RANBP2: variants seen among roughly 807,000 people sequenced by gnomAD.
RANBP2 encodes RAN binding protein 2.
Under a neutral mutation model 303.6 loss-of-function variants are expected in RANBP2, and 57 were observed. The observed-to-expected ratio is 0.19, with a 90% CI of 0.15 to 0.23. The LOEUF is 0.23. RANBP2 is among the 10% of genes least tolerant of loss of function. The pLI, the probability that RANBP2 is intolerant of heterozygous loss-of-function variation, is 1.00. For missense variants in RANBP2, 3,138 were observed against 3,780.8 expected (o/e 0.83, Z 4.46); for synonymous variants, 1,167 against 1,301.5 (o/e 0.90, Z 2.23).
At chr2:109,742,984 A>T in the RANBP2 span, among the ~76,000 whole-genome samples, 16 of 148,866 alleles carry the variant, frequency 1.1e-4, 1 homozygote, top group Non-Finnish European at 1.5e-4. Context: ...CATTAAAAAA[A>T]ATCTAGCCAG....
the RANBP2 span, among the ~76,000 whole-genome samples, chr2:109,667,505 T>C: frequency 7.9e-5 from 12 of 152,180 alleles, no homozygotes; most frequent in Non-Finnish European, 8.8e-5. Context: ...TGTGGAGTCA[T>C]AGGCATGGCT....
chr2:108,933,528 T>C, the RANBP2 span, among the ~76,000 whole-genome samples: 1 of 152,142 alleles, frequency 6.6e-6, no homozygotes, highest in East Asian at 1.9e-4. Flanking sequence ...CTTGGAGGTG[T>C]CTCACTTGGT....
chr2:109,585,177 A>C, the RANBP2 span: 2 of 1,610,230 alleles, frequency 1.2e-6, no homozygotes, highest in Non-Finnish European at 1.7e-6. Flanking sequence ...CACAATGGTC[A>C]ATTTCAATTG....
the RANBP2 span, among the ~76,000 whole-genome samples, chr2:109,389,831 C>T: frequency 6.6e-6 from 1 of 152,152 alleles, no homozygotes; most frequent in African/African-American, 2.4e-5. Context: ...GATGGGGGTG[C>T]ACTGTCAGAG....
the RANBP2 span, among the ~76,000 whole-genome samples, chr2:109,642,912 C>T: frequency 1.7e-4 from 26 of 152,298 alleles, no homozygotes; most frequent in African/African-American, 2.4e-4. Flanking sequence ...TGGTGGCTCA[C>T]GCCTGTAATC....
At chr2:109,207,885 G>A in the RANBP2 span, among the ~76,000 whole-genome samples, 2 of 152,124 alleles carry the variant, frequency 1.3e-5, no homozygotes, top group Non-Finnish European at 2.9e-5. Context: ...GCCTATGGCA[G>A]TTTCCCTGTA....
At chr2:109,074,024 A>G in the RANBP2 span, among the ~76,000 whole-genome samples, 38 of 150,898 alleles carry the variant, frequency 2.5e-4, 2 homozygotes, top group Admixed American at 4.0e-4. Flanking sequence ...AAAGGAAGAC[A>G]GCAAGAGAGA....
the RANBP2 span, among the ~76,000 whole-genome samples, chr2:109,402,031 G>A: frequency 1.3e-5 from 2 of 152,188 alleles, no homozygotes; most frequent in Admixed American, 1.3e-4. Flanking sequence ...AGCAGTTGCC[G>A]CCTGTCTCCC....
chr2:109,716,180 T>G, the RANBP2 span, among the ~76,000 whole-genome samples: 2 of 152,152 alleles, frequency 1.3e-5, no homozygotes, highest in Non-Finnish European at 2.9e-5. Context: ...AATTATGTAT[T>G]TGTCTGGCAC....
the RANBP2 span, among the ~76,000 whole-genome samples, chr2:109,672,523 G>T: frequency 1.3e-5 from 2 of 152,208 alleles, no homozygotes; most frequent in Admixed American, 6.5e-5. Context: ...CAAGGCTTTA[G>T]TAACTGTTGT....
At chr2:109,398,244 C>T in the RANBP2 span, among the ~76,000 whole-genome samples, 1 of 152,170 alleles carries the variant, frequency 6.6e-6, no homozygotes, top group Non-Finnish European at 1.5e-5. Flanking sequence ...GCTTCCTTCC[C>T]ATCTTGTCCC....
the RANBP2 span, among the ~76,000 whole-genome samples, chr2:109,642,605 T>G: frequency 1.3e-5 from 2 of 150,650 alleles, no homozygotes; most frequent in Admixed American, 6.6e-5. Flanking sequence ...AAAAATTAGC[T>G]GGGCATGGTG....
chr2:109,002,518 C>A, the RANBP2 span, among the ~76,000 whole-genome samples: 1 of 152,144 alleles, frequency 6.6e-6, no homozygotes, highest in Non-Finnish European at 1.5e-5. Flanking sequence ...CTCCCCACTG[C>A]CCTTGGAATA....
At chr2:108,745,194 G>A (rs1306223138) in intron 7 of RANBP2, among the ~76,000 whole-genome samples, 1 of 147,574 alleles carries the variant, frequency 6.8e-6, no homozygotes, top group Non-Finnish European at 1.5e-5. Context: ...AAGAATTGCA[G>A]TATCAAAGTA....
the RANBP2 span, chr2:109,371,599 C>T: frequency 8.1e-6 from 13 of 1,613,914 alleles, no homozygotes; most frequent in South Asian, 5.5e-5. Context: ...GAGATTCTGA[C>T]GGTGCTCAGG....
chr2:109,078,263 AGCGCG>A, the RANBP2 span, among the ~76,000 whole-genome samples: 18 of 44,566 alleles, frequency 4.0e-4, no homozygotes, highest in African/African-American at 4.5e-4. Context: ...ATATATATAT[AGCGCG>A]TATATATATA....
chr2:109,364,323 A>G, the RANBP2 span, among the ~76,000 whole-genome samples: 2 of 152,146 alleles, frequency 1.3e-5, no homozygotes, highest in African/African-American at 2.4e-5. Flanking sequence ...GATTGCTAAC[A>G]TTTCTTTTCT....
At chr2:109,360,519 C>T in the RANBP2 span, among the ~76,000 whole-genome samples, 17 of 152,142 alleles carry the variant, frequency 1.1e-4, no homozygotes, top group Non-Finnish European at 2.2e-4. Flanking sequence ...AGACTGGGGT[C>T]CCATACCCAA....
At chr2:109,360,063 CAA>C in the RANBP2 span, among the ~76,000 whole-genome samples, 23,514 of 134,976 alleles carry the variant, frequency 0.17, 2,284 homozygotes, top group African/African-American at 0.29. Context: ...TTCCTTGCAC[CAA>C]AAAAAAAAAA....
Sources: allele counts gnomAD v4.1 joint callset (sites outside exome capture counted in the v4.1 genomes callset), GRCh38; gene constraint gnomAD v4.1.1; transcripts MANE v1.5; gene names NCBI Gene and HGNC (gene_info 2026-07-23, HGNC 2026-07-21).